CCDC88C: variants seen among roughly 807,000 people sequenced by gnomAD.
The protein encoded by CCDC88C is coiled-coil and HOOK domain protein 88C.
CCDC88C carries 131 observed loss-of-function variants against 198.8 expected under a neutral mutation model. The ratio of observed to expected loss-of-function variants is 0.66; its 90% CI spans 0.57 to 0.76. The LOEUF is 0.76. Ranked by LOEUF, CCDC88C falls within the 30% of genes least tolerant of loss-of-function variation. CCDC88C has a pLI of 0.00. For missense variants in CCDC88C, 2,553 were observed against 2,631.6 expected (o/e 0.97, Z 0.65); for synonymous variants, 1,166 against 1,114.7 (o/e 1.05, Z -0.92).
intron 22 of CCDC88C, among the ~76,000 whole-genome samples, chr14:91,296,121 G>A (rs1483755340): frequency 3.9e-5 from 6 of 152,284 alleles, no homozygotes; most frequent in Middle Eastern, 3.4e-3. Context: ...AGCCCAGGGA[G>A]ACGAACATGG....
intron 3 of CCDC88C, among the ~76,000 whole-genome samples, chr14:91,364,440 G>A (rs901817621): frequency 6.6e-6 from 1 of 152,204 alleles, no homozygotes; most frequent in Non-Finnish European, 1.5e-5. Flanking sequence ...TGAACAAAGG[G>A]TCAGAGGCAG....
rs1285804 is a variant in CCDC88C, at chr14:91,353,640, T to C, written c.340+6002A>G. On this transcript the variant is annotated intron_variant, in intron 4 of 29. Coordinates refer to ENST00000389857, the MANE Select transcript of CCDC88C (RefSeq NM_001080414.4). ...TGGCTTCCTCAGCCGGTGCAGTAGATAGAGTTCTGCACTCAGCTGAGAAGG... is the reference window on the plus strand; with the variant it reads ...TGGCTTCCTCAGCCGGTGCAGTAGACAGAGTTCTGCACTCAGCTGAGAAGG... 8.9e-3 allele frequency among the ~76,000 whole-genome samples: 1,358 copies of C among 152,330 alleles called. 24 individuals carry two copies. Among genetic ancestry groups the C allele is most frequent in the East Asian group, 0.022 (114 of 5,186 alleles).
intron 4 of CCDC88C, among the ~76,000 whole-genome samples, chr14:91,348,056 A>G (rs1363907899): frequency 1.3e-5 from 2 of 152,192 alleles, no homozygotes; most frequent in Non-Finnish European, 2.9e-5. Context: ...CCCAGGCTAG[A>G]GTGCAGTGGT....
Position 91,326,016 on chromosome 14 carries a change from G to A in CCDC88C, c.1091C>T (p.Ala364Val), listed in dbSNP as rs1892569685. Reference sequence around the variant, plus strand: ...AGCAGTCAGCTGTTCCTCCAGCATGGCCTTGGTTTCAATTAAAATGATATT... The same window carrying A: ...AGCAGTCAGCTGTTCCTCCAGCATGACCTTGGTTTCAATTAAAATGATATT... ...EDNIILIETK[A>V]MLEEQLTAAR... The change falls in exon 11 of 30, where the codon GCC becomes GTC. Residue 364 changes from alanine to valine, a missense_variant. By Grantham distance (64) the Ala-to-Val change is moderately conservative (BLOSUM62 0). Transcript: ENST00000389857. 2 of 1,606,778 alleles carry A rather than the reference G, an allele frequency of 1.2e-6. No individual in the cohort carries two copies. The highest frequency in any genetic ancestry group is 2.2e-5 in the South Asian group (2 of 89,608).
intron 3 of CCDC88C, among the ~76,000 whole-genome samples, chr14:91,391,303 A>G (rs1176117523): frequency 6.6e-6 from 1 of 152,182 alleles, no homozygotes; most frequent in East Asian, 1.9e-4. Flanking sequence ...GTGGTAAAAT[A>G]TGCATAACCT....
intron 10 of CCDC88C, among the ~76,000 whole-genome samples, chr14:91,330,966 C>T (rs1892799551): frequency 1.3e-5 from 2 of 151,834 alleles, no homozygotes; most frequent in Admixed American, 6.6e-5. Flanking sequence ...GGTGGGCCTG[C>T]GATGGGAGAG....
intron 5 of CCDC88C, 93 bp from the exon 6 acceptor site, chr14:91,342,556 C>A: frequency 1.2e-6 from 1 of 810,048 alleles, no homozygotes; most frequent in Non-Finnish European, 2.1e-6. Context: ...TCAAAAGGAA[C>A]CACCCACCCC....
intron 3 of CCDC88C, among the ~76,000 whole-genome samples, chr14:91,406,088 T>C (rs1373387742): frequency 6.6e-6 from 1 of 152,208 alleles, no homozygotes; most frequent in East Asian, 1.9e-4. Context: ...TCTTTTACTT[T>C]GTGTGGCCAC....
chr14:91,404,505 T>C (rs1886376505), intron 3 of CCDC88C, among the ~76,000 whole-genome samples: 1 of 152,152 alleles, frequency 6.6e-6, no homozygotes, highest in African/African-American at 2.4e-5. Flanking sequence ...CCTGTTAAAA[T>C]ACAGACTCCC....
chr14:91,407,442 C>T (rs112229737), intron 3 of CCDC88C, among the ~76,000 whole-genome samples: 2,445 of 152,314 alleles, frequency 0.016, 31 homozygotes, highest in Non-Finnish European at 0.027. Context: ...GTGCGAGGCA[C>T]AGGTCCCAGG....
chr14:91,368,652 C>T (rs537357838), intron 3 of CCDC88C, among the ~76,000 whole-genome samples: 6 of 152,308 alleles, frequency 3.9e-5, no homozygotes, highest in East Asian at 1.9e-4. Flanking sequence ...CTTCCAGAAA[C>T]GGCACGGTGC....
intron 23 of CCDC88C, among the ~76,000 whole-genome samples, chr14:91,293,725 T>C (rs1021334491): frequency 2.6e-5 from 4 of 152,068 alleles, no homozygotes; most frequent in African/African-American, 9.7e-5. Flanking sequence ...CTGTTCACAT[T>C]TTACCTCCCC....
intron 15 of CCDC88C, among the ~76,000 whole-genome samples, chr14:91,311,566 A>T (rs1891825886): frequency 6.6e-6 from 1 of 152,218 alleles, no homozygotes; most frequent in African/African-American, 2.4e-5. Flanking sequence ...CAGGTGCCTG[A>T]ACTGGGCCTT....
rs937071350 is a variant in CCDC88C at position 91,381,958 on chromosome 14, G to A, written c.271-22247C>T. On this transcript the variant is annotated intron_variant, in intron 3 of 29. Coordinates refer to ENST00000389857, the MANE Select transcript of CCDC88C (RefSeq NM_001080414.4). The surrounding 1 kb of genome is among the most constrained non-coding windows in gnomAD (Gnocchi z 4.2). ...TTTTCTGAACAGCCCATTTTATCACGACATCTTGTCTTCATTGTTTCACAC... is the reference window on the plus strand; with the variant it reads ...TTTTCTGAACAGCCCATTTTATCACAACATCTTGTCTTCATTGTTTCACAC... Among the ~76,000 whole-genome samples the A allele has an allele frequency of 3.3e-5, 5 of 152,028 alleles. No individual in the cohort carries two copies. Among genetic ancestry groups the A allele is most frequent in the Admixed American group, 2.6e-4 (4 of 15,254 alleles).
intron 2 of CCDC88C, among the ~76,000 whole-genome samples, chr14:91,416,502 G>A (rs1371396608): frequency 2.0e-5 from 3 of 152,138 alleles, no homozygotes; most frequent in African/African-American, 7.2e-5. Context: ...GTAAATGACA[G>A]TCATTCAATT....
chr14:91,343,622 G>A lies in CCDC88C; in HGVS notation c.376C>T (p.Leu126=). 1 of 1,613,620 alleles carries A rather than the reference G, an allele frequency of 6.2e-7. No homozygotes were observed. Among genetic ancestry groups the A allele is most frequent in the Non-Finnish European group, 8.5e-7 (1 of 1,179,768 alleles). The change falls in exon 5 of 30, where the codon CTG becomes TTG. Residue 126 remains leucine, a synonymous_variant. Transcript: ENST00000389857. The part of the protein sequence containing the change: ...SMEEIKKVLL[L]VLGCAVQCER... ...ACCTGGACAGCACAGCCCAGCACCAGCAGCAGCACCTTCTTGATTTCCTCC... is the reference window on the plus strand; with the variant it reads ...ACCTGGACAGCACAGCCCAGCACCAACAGCAGCACCTTCTTGATTTCCTCC...
chr14:91,292,826 G>A (rs1408910409), intron 23 of CCDC88C, among the ~76,000 whole-genome samples: 1 of 152,132 alleles, frequency 6.6e-6, no homozygotes, highest in African/African-American at 2.4e-5. Context: ...TGGCACCAGG[G>A]TTCGTCCCCT....
chr14:91,314,091 C>G lies in CCDC88C; in HGVS notation c.1725G>C (p.Glu575Asp). Residue 575 changes from glutamate (E) to aspartate (D), a missense_variant, in exon 15 of 30, where the codon GAG (glutamate) becomes GAC (aspartate). By Grantham distance (45) the Glu-to-Asp change is conservative (BLOSUM62 2). Coordinates refer to ENST00000389857, the MANE Select transcript of CCDC88C (RefSeq NM_001080414.4). ...HLNRAMWSLR[E>D]RSQVSSEARM... ...GGGCCTCACTGCTGACCTGCGACCT[C>G]TCCCGCAGCGACCACATGGCTCGGT... The G allele has an allele frequency of 6.2e-7, 1 of 1,613,814 alleles. No individual in the cohort carries two copies. The highest frequency in any genetic ancestry group is 8.5e-7 in the Non-Finnish European group (1 of 1,179,850).
chr14:91,296,594 G>A (rs978290519), intron 22 of CCDC88C, among the ~76,000 whole-genome samples: 1 of 152,236 alleles, frequency 6.6e-6, no homozygotes, highest in East Asian at 1.9e-4. Flanking sequence ...GTGGGTGGCT[G>A]TGACAAGGCA....
Sources: allele counts gnomAD v4.1 joint callset (sites outside exome capture counted in the v4.1 genomes callset), GRCh38; gene constraint gnomAD v4.1.1; non-coding constraint Gnocchi (gnomAD v3.1); transcripts MANE v1.5; gene names NCBI Gene and HGNC (gene_info 2026-07-23, HGNC 2026-07-21).